The following SDK1 variants were observed in gnomAD, a reference collection of about 807,000 sequenced individuals.
The protein encoded by SDK1 is protein sidekick-1.
Under a neutral mutation model 245.5 loss-of-function variants are expected in SDK1, and 157 were observed. The ratio of observed to expected loss-of-function variants is 0.64; its 90% confidence interval spans 0.56 to 0.73. SDK1 has a LOEUF of 0.73. SDK1 is among the 30% of genes least tolerant of loss of function. The probability of loss-of-function intolerance (pLI) is 0.00; values close to 1 mark genes in which losing one functional copy is unlikely to be tolerated. For synonymous variants in SDK1, 1,647 were observed against 1,278.5 expected, an observed-to-expected ratio of 1.29 and a Z score of -6.15; for missense variants, 3,583 against 3,002.3, an observed-to-expected ratio of 1.19 and a Z score of -4.52.
chr7:3,408,007 G>A (rs539722589), intron 1 of SDK1, among the ~76,000 whole-genome samples: 100 of 152,226 alleles, frequency 6.6e-4, no homozygotes, highest in Non-Finnish European at 1.2e-3. Flanking sequence ...GCAAAGGCGA[G>A]TGTATGATAA....
intron 22 of SDK1, among the ~76,000 whole-genome samples, chr7:4,084,086 C>A (rs6962719): frequency 6.6e-6 from 1 of 152,058 alleles, no homozygotes; most frequent in Non-Finnish European, 1.5e-5. Flanking sequence ...TCAGTCTTTC[C>A]TCATTTAGCT....
intron 4 of SDK1, among the ~76,000 whole-genome samples, chr7:3,679,436 G>A (rs375874073): frequency 6.6e-5 from 10 of 152,124 alleles, no homozygotes; most frequent in Admixed American, 2.6e-4. Context: ...GCGCGGTGGC[G>A]GGCGCCTGTA....
At chr7:3,953,772 C>G (rs1781018682) in intron 7 of SDK1, among the ~76,000 whole-genome samples, 1 of 152,206 alleles carries the variant, frequency 6.6e-6, no homozygotes, top group Non-Finnish European at 1.5e-5. Flanking sequence ...TAGCACCTCT[C>G]CGTGTTCTGA....
At chr7:4,113,249 T>G (rs1052514440) in intron 23 of SDK1, 40 bp from the exon 24 acceptor site, 9 of 1,597,052 alleles carry the variant, frequency 5.6e-6, no homozygotes, top group South Asian at 5.6e-5. Context: ...CCTTCTTACC[T>G]TTGCTTTGCC....
intron 1 of SDK1, among the ~76,000 whole-genome samples, chr7:3,606,218 T>C (rs1466126868): frequency 6.6e-6 from 1 of 152,166 alleles, no homozygotes; most frequent in African/African-American, 2.4e-5. Flanking sequence ...GTATCATCAT[T>C]GATTCTTCTT....
At chr7:4,082,848 T>C (rs1781149842) in intron 22 of SDK1, among the ~76,000 whole-genome samples, 1 of 152,100 alleles carries the variant, frequency 6.6e-6, no homozygotes, top group African/African-American at 2.4e-5. Flanking sequence ...CTCGAACTCC[T>C]GAGTTCAAGC....
intron 35 of SDK1, among the ~76,000 whole-genome samples, chr7:4,191,904 G>T (rs1783230159): frequency 6.6e-6 from 1 of 152,242 alleles, no homozygotes; most frequent in South Asian, 2.1e-4. Flanking sequence ...CCAACCCACT[G>T]TTGAGAGTGC....
chr7:4,119,554 C>G (rs1783931786), intron 25 of SDK1, among the ~76,000 whole-genome samples: 1 of 148,668 alleles, frequency 6.7e-6, no homozygotes, highest in South Asian at 2.2e-4. Flanking sequence ...TCAGGGAAAA[C>G]AGTGATCAAC....
chr7:4,002,088 G>T (rs1017602230), intron 14 of SDK1, among the ~76,000 whole-genome samples: 6 of 152,254 alleles, frequency 3.9e-5, no homozygotes, highest in African/African-American at 1.4e-4. Flanking sequence ...TTTTGTCACT[G>T]TCAGAGTTTT....
At chr7:3,626,842 G>T (rs982714968) in intron 2 of SDK1, among the ~76,000 whole-genome samples, 1 of 152,076 alleles carries the variant, frequency 6.6e-6, no homozygotes, top group Non-Finnish European at 1.5e-5. Context: ...ACTCAGATCT[G>T]TAATCCAAAA....
At chr7:4,211,845 G>A (rs1012454463) in intron 38 of SDK1, among the ~76,000 whole-genome samples, 10 of 152,098 alleles carry the variant, frequency 6.6e-5, no homozygotes, top group East Asian at 3.9e-4. Context: ...TCCTAACCTC[G>A]TGATCCACCT....
intron 41 of SDK1, among the ~76,000 whole-genome samples, chr7:4,235,010 C>T (rs1786061847): frequency 1.3e-5 from 2 of 152,164 alleles, no homozygotes; most frequent in South Asian, 4.1e-4. Context: ...TTGAACTTAA[C>T]CTTCGTCCTT....
intron 1 of SDK1, among the ~76,000 whole-genome samples, chr7:3,548,079 A>G (rs1385561578): frequency 1.3e-5 from 2 of 152,228 alleles, no homozygotes; most frequent in Non-Finnish European, 2.9e-5. Context: ...AGTGTAGGGC[A>G]ACTGTAAAAC....
chr7:3,322,238 G>C (rs1185207341), intron 1 of SDK1, among the ~76,000 whole-genome samples: 1 of 152,062 alleles, frequency 6.6e-6, no homozygotes, highest in African/African-American at 2.4e-5. Flanking sequence ...TTTATATACA[G>C]GAATAAGACT....
intron 26 of SDK1, among the ~76,000 whole-genome samples, chr7:4,128,421 G>T (rs954116078): frequency 6.6e-6 from 1 of 152,216 alleles, no homozygotes; most frequent in African/African-American, 2.4e-5. Flanking sequence ...AAACGCGCTT[G>T]CTGTGCTATT....
At chr7:3,999,568 G>A (rs1362169535) in intron 14 of SDK1, among the ~76,000 whole-genome samples, 7 of 152,150 alleles carry the variant, frequency 4.6e-5, no homozygotes, top group Non-Finnish European at 1.0e-4. Flanking sequence ...GGTGCCTCGG[G>A]GCGGGGGAGG....
intron 1 of SDK1, among the ~76,000 whole-genome samples, chr7:3,610,438 A>G (rs561741694): frequency 1.3e-5 from 2 of 152,344 alleles, no homozygotes; most frequent in African/African-American, 4.8e-5. Flanking sequence ...ATACTTTTTC[A>G]CTACAAACCA....
chr7:3,579,981 A>T (rs185776321), intron 1 of SDK1, among the ~76,000 whole-genome samples: 1 of 152,208 alleles, frequency 6.6e-6, no homozygotes, highest in African/African-American at 2.4e-5. Flanking sequence ...AATCATTAGC[A>T]TTCCTATACA....
chr7:3,860,677 C>A (rs866894174), intron 5 of SDK1, among the ~76,000 whole-genome samples: 1 of 152,130 alleles, frequency 6.6e-6, no homozygotes, highest in Non-Finnish European at 1.5e-5. Context: ...ATTAAAATGA[C>A]GTAGCAGTCA....
Sources: gnomAD v4.1 joint callset for allele counts (sites outside exome capture counted in the v4.1 genomes callset) on GRCh38, gnomAD v4.1.1 for gene constraint, MANE v1.5 for transcripts, NCBI Gene and HGNC (gene_info 2026-07-23, HGNC 2026-07-21) for gene names.